Variants in PRXL2A observed in about 807,000 individuals in gnomAD.
PRXL2A encodes the protein peroxiredoxin like 2A, also known as peroxiredoxin-like 2A.
In PRXL2A, 26 loss-of-function variants were observed where a neutral mutation model predicts 25.6. That is an observed-to-expected ratio of 1.02 (90% CI 0.74 to 1.41). The LOEUF (loss-of-function observed/expected upper bound fraction) is 1.41, where lower values mean the gene tolerates loss of function less well. Among genes scored for constraint, PRXL2A ranks in the 40% most tolerant of loss-of-function variants. The pLI, the probability that PRXL2A is intolerant of heterozygous loss-of-function variation, is 0.00. For missense variants in PRXL2A, 246 were observed against 273.9 expected (o/e 0.90, Z 0.72); for synonymous variants, 98 against 102.9 (o/e 0.95, Z 0.29).
intron 3 of PRXL2A, among the ~76,000 whole-genome samples, chr10:80,422,742 G>A (rs1160205552): frequency 6.6e-6 from 1 of 151,356 alleles, no homozygotes; most frequent in African/African-American, 2.4e-5. Flanking sequence ...GTACTCCCAG[G>A]CCTTTCACCC....
intron 4 of PRXL2A, among the ~76,000 whole-genome samples, chr10:80,427,070 G>A (rs1238487532): frequency 6.6e-6 from 1 of 151,600 alleles, no homozygotes; most frequent in Non-Finnish European, 1.5e-5. Context: ...TTGAACCTAG[G>A]AGGTGGAGAT....
At chr10:80,421,398 A>G (rs775636754) in intron 2 of PRXL2A, among the ~76,000 whole-genome samples, 13 of 152,206 alleles carry the variant, frequency 8.5e-5, no homozygotes, top group African/African-American at 2.9e-4. Flanking sequence ...TGGTGTGGCA[A>G]GAGAGTTGGA....
chr10:80,408,169 TAAA>T (rs11460235), upstream of PRXL2A, among the ~76,000 whole-genome samples: 5 of 141,230 alleles, frequency 3.5e-5, no homozygotes, highest in Admixed American at 7.0e-5. Flanking sequence ...CCATGGAGGT[TAAA>T]AAAAAAAAAA....
intron 1 of PRXL2A, chr10:80,420,065 G>A (rs556812099): frequency 7.0e-4 from 689 of 986,940 alleles, no homozygotes; most frequent in South Asian, 2.3e-3. Context: ...CACCTGGATT[G>A]TGAGGGAGAA....
intron 3 of PRXL2A, among the ~76,000 whole-genome samples, chr10:80,422,987 C>T (rs998836107): frequency 6.6e-6 from 1 of 152,182 alleles, no homozygotes; most frequent in Non-Finnish European, 1.5e-5. Context: ...TCTTAGAGTC[C>T]ATCGTGGACA....
At chr10:80,419,688 G>C (rs1303488591) in intron 1 of PRXL2A, among the ~76,000 whole-genome samples, 3 of 152,146 alleles carry the variant, frequency 2.0e-5, no homozygotes, top group African/African-American at 2.4e-5. Flanking sequence ...AAAAAAGTCA[G>C]ATTACTAAAC....
At chr10:80,430,732 T>C (rs552496345) in intron 5 of PRXL2A, among the ~76,000 whole-genome samples, 1 of 152,356 alleles carries the variant, frequency 6.6e-6, no homozygotes, top group Admixed American at 6.5e-5. Context: ...TCCTATGAGC[T>C]CAGCCACCGT....
chr10:80,431,929 G>A, intron 5 of PRXL2A, 57 bp from the exon 6 acceptor site: 2 of 1,268,664 alleles, frequency 1.6e-6, no homozygotes, highest in Non-Finnish European at 2.3e-6. Flanking sequence ...CTCGATGCCT[G>A]TCTCATGAAC....
intron 4 of PRXL2A, among the ~76,000 whole-genome samples, chr10:80,426,615 T>C (rs1834918810): frequency 6.6e-6 from 1 of 152,176 alleles, no homozygotes; most frequent in Middle Eastern, 3.2e-3. Flanking sequence ...CTCCAACAGG[T>C]TCCTCCACTG....
rs1395052124 is a variant in PRXL2A, at chr10:80,434,949, C to T, written c.*2850C>T. 1.3e-5 allele frequency: 2 copies of T among 152,272 alleles called. No homozygotes were observed. Among genetic ancestry groups the T allele is most frequent in the Non-Finnish European group, 2.9e-5 (2 of 68,080 alleles). 9.4% of individuals were successfully genotyped at this position (152,272 alleles called of 1,614,324 possible). A position where few individuals can be genotyped will look rare whatever the true frequency, so the allele number is the denominator to read the frequency against. On this transcript the variant is annotated 3_prime_UTR_variant, in exon 6 of 6. Transcript: ENST00000606162. ...GAGGGAGGGACTGGGTGCCATGGCT[C>T]ATGCCTATAATCCCAGCACTTTGGG...
At position 80,436,643 on chromosome 10, in the gene PRXL2A, C is replaced by G. The variant is rs1845410246; in HGVS notation, c.*4544C>G. ...CTGACCTTCTCCTGCCCTCTTGTTTCTGGCTTTTCATTCTCCCCCAAGGCT... is the reference window on the plus strand; with the variant it reads ...CTGACCTTCTCCTGCCCTCTTGTTTGTGGCTTTTCATTCTCCCCCAAGGCT... On this transcript the variant is annotated 3_prime_UTR_variant, in exon 6 of 6. Transcript: ENST00000606162. 6.6e-6 allele frequency: 1 copy of G among 152,228 alleles called. No homozygotes were observed. Among genetic ancestry groups the G allele is most frequent in the African/African-American group, 2.4e-5 (1 of 41,426 alleles). 9.4% of individuals were successfully genotyped at this position (152,228 alleles called of 1,614,324 possible).
intron 1 of PRXL2A, among the ~76,000 whole-genome samples, chr10:80,410,422 C>G (rs1222798302): frequency 6.6e-6 from 1 of 152,238 alleles, no homozygotes; most frequent in East Asian, 1.9e-4. Flanking sequence ...AGCCAGTGTT[C>G]CCACCAGACC....
At chr10:80,412,433 A>G (rs886833833) in intron 1 of PRXL2A, among the ~76,000 whole-genome samples, 5 of 152,232 alleles carry the variant, frequency 3.3e-5, no homozygotes, top group Non-Finnish European at 5.9e-5. Context: ...TAAAATTCAG[A>G]TAATTTAATT....
intron 4 of PRXL2A, among the ~76,000 whole-genome samples, chr10:80,426,329 A>G (rs968234352): frequency 3.9e-5 from 6 of 152,260 alleles, no homozygotes; most frequent in South Asian, 2.1e-4. Flanking sequence ...TTCACATTCA[A>G]TATTCAATAG....
chr10:80,437,115 A>C lies in PRXL2A; in HGVS notation c.*5016A>C, dbSNP rs1845422749. On this transcript the variant is annotated 3_prime_UTR_variant, in exon 6 of 6. Coordinates refer to ENST00000606162, the MANE Select transcript of PRXL2A (RefSeq NM_032333.5). Reference sequence around the variant, plus strand: ...AATTTGTTTGCTTTTTCTCCTGTTAATTTGCCTCTTGTCAGTGATTTTTTC... The same window carrying C: ...AATTTGTTTGCTTTTTCTCCTGTTACTTTGCCTCTTGTCAGTGATTTTTTC... The C allele has an allele frequency of 6.6e-6, 1 of 152,142 alleles. No homozygotes were observed. The allele number at this position is 152,142 out of a possible 1,614,324, so 9.4% of individuals were successfully genotyped here. A position where few individuals can be genotyped will look rare whatever the true frequency, so the allele number is the denominator to read the frequency against.
chr10:80,408,853 G>T (rs1225144264), intron 1 of PRXL2A, among the ~76,000 whole-genome samples: 1 of 152,190 alleles, frequency 6.6e-6, no homozygotes, highest in Non-Finnish European at 1.5e-5. Context: ...GCCACCCTGC[G>T]TGGCGGCCGA....
At chr10:80,428,086 T>A (rs373333079) in intron 5 of PRXL2A, among the ~76,000 whole-genome samples, 1 of 152,164 alleles carries the variant, frequency 6.6e-6, no homozygotes, top group South Asian at 2.1e-4. Context: ...GAGACGATGC[T>A]TTTTTCTGTG....
chr10:80,416,803 G>T (rs1185570880), intron 1 of PRXL2A, among the ~76,000 whole-genome samples: 11 of 152,196 alleles, frequency 7.2e-5, no homozygotes, highest in Non-Finnish European at 1.0e-4. Context: ...TGACTAAAAG[G>T]CAGTATAAGA....
intron 1 of PRXL2A, among the ~76,000 whole-genome samples, chr10:80,417,047 G>A (rs372683974): frequency 7.2e-5 from 11 of 152,188 alleles, no homozygotes; most frequent in Non-Finnish European, 1.6e-4. Flanking sequence ...TCTCGGCCCC[G>A]AGGAAAGGGC....
Sources: allele counts gnomAD v4.1 joint callset (sites outside exome capture counted in the v4.1 genomes callset), GRCh38; gene constraint gnomAD v4.1.1; transcripts MANE v1.5; gene names NCBI Gene and HGNC (gene_info 2026-07-23, HGNC 2026-07-21).